MAP3K13: variants seen among roughly 807,000 people sequenced by gnomAD.
MAP3K13 encodes mitogen-activated protein kinase kinase kinase 13, also known as leucine zipper-bearing kinase.
A neutral mutation model predicts 104.0 loss-of-function variants in MAP3K13; 52 were observed. That is an observed-to-expected ratio of 0.50 (90% confidence interval 0.40 to 0.63). The LOEUF (loss-of-function observed/expected upper bound fraction) is 0.63. Ranked by LOEUF, MAP3K13 falls within the 20% of genes least tolerant of loss-of-function variation. MAP3K13 has a pLI of 0.00. For synonymous variants in MAP3K13, 394 were observed against 442.2 expected, an observed-to-expected ratio of 0.89 and a Z score of 1.37; for missense variants, 914 against 1,218.5, an observed-to-expected ratio of 0.75 and a Z score of 3.72.
chr3:185,456,706 AT>A (rs1427781154), intron 7 of MAP3K13, among the ~76,000 whole-genome samples: 1 of 150,738 alleles, frequency 6.6e-6, no homozygotes, highest in Admixed American at 6.7e-5. Flanking sequence ...AGTTCAAGCA[AT>A]TCTCCTGTCT....
chr3:185,370,456 A>G (rs955747513), intron 1 of MAP3K13, among the ~76,000 whole-genome samples: 13 of 111,482 alleles, frequency 1.2e-4, no homozygotes, highest in African/African-American at 3.5e-4. Context: ...TTGGCCGCCC[A>G]AAGTGCTGGG....
chr3:185,307,859 C>G (rs1721352370), intron 2 of MAP3K13, among the ~76,000 whole-genome samples: 1 of 151,926 alleles, frequency 6.6e-6, no homozygotes, highest in South Asian at 2.1e-4. Flanking sequence ...TAGTTTTTAT[C>G]TCTTTGTTGG....
intron 12 of MAP3K13, 22 bp from the exon 13 acceptor site, chr3:185,480,210 T>C (rs1449642138): frequency 5.0e-6 from 8 of 1,605,132 alleles, no homozygotes; most frequent in Non-Finnish European, 5.1e-6. Flanking sequence ...GACTAAGTTC[T>C]CCTGGTTCTT....
intron 3 of MAP3K13, among the ~76,000 whole-genome samples, chr3:185,439,119 T>A (rs994415855): frequency 6.6e-6 from 1 of 152,004 alleles, no homozygotes; most frequent in Non-Finnish European, 1.5e-5. Flanking sequence ...AAATGAGTAC[T>A]GAAGTTGAGT....
At chr3:185,480,815 G>A (rs1253692394) in intron 13 of MAP3K13, among the ~76,000 whole-genome samples, 8 of 152,150 alleles carry the variant, frequency 5.3e-5, no homozygotes, top group Non-Finnish European at 1.2e-4. Context: ...GTCTTCACAT[G>A]GTGGTAGGAG....
In MAP3K13 at chr3:185,455,656, TGATATATATATGA is replaced by T. The variant is rs1560120194; in HGVS notation, c.1278+4262_1278+4274del. 1.2e-4 allele frequency among the ~76,000 whole-genome samples: 4 copies of T among 32,136 alleles called. 1 individual carries two copies. The highest frequency in any genetic ancestry group is 2.7e-4 in the African/African-American group (3 of 11,066). The allele number at this position is 32,136 out of a possible 152,430, so 21.1% of individuals were successfully genotyped here. A position where few individuals can be genotyped will look rare whatever the true frequency, so the allele number is the denominator to read the frequency against. On this transcript the variant is annotated intron_variant, in intron 7 of 13. Coordinates refer to ENST00000265026, the MANE Select transcript of MAP3K13 (RefSeq NM_004721.5). ...ATATGATATATATGAGATATATATA[TGATATATATATGA>T]TATATATATGAGATATATATATGAT...
At position 185,482,677 on chromosome 3, in the gene MAP3K13, T is replaced by C. The variant is rs555629728; in HGVS notation, c.*221T>C. ...AATTAAGTCTCACTGAACATTTCAA[T>C]CAAGAATGGCAGGGATCTATTTTAT... On this transcript the variant is annotated 3_prime_UTR_variant, in exon 14 of 14. Coordinates refer to ENST00000265026, the MANE Select transcript of MAP3K13 (RefSeq NM_004721.5). The surrounding 1 kb of genome is among the most constrained non-coding windows in gnomAD (Gnocchi z 4.5). 8.2e-6 allele frequency: 4 copies of C among 490,526 alleles called. No individual in the cohort carries two copies. The South Asian group carries it at 1.3e-4, about 16-fold the overall frequency. 30.4% of individuals were successfully genotyped at this position (490,526 alleles called of 1,614,324 possible). A position where few individuals can be genotyped will look rare whatever the true frequency, so the allele number is the denominator to read the frequency against.
Position 185,292,931 on chromosome 3 carries a change from T to G in MAP3K13, c.-86+7288T>G, listed in dbSNP as rs1015069430. On this transcript the variant is annotated intron_variant, in intron 2 of 14. Coordinates refer to the MAP3K13 transcript ENST00000424227. The stretch of plus-strand genomic sequence containing the variant: ...TTTTTTACTAAAATGTGACCCTCAT[T>G]TTTCTTTACATGAAAGAACATAGAA... 47 of 984,206 alleles carry G rather than the reference T, an allele frequency of 4.8e-5. No individual in the cohort carries two copies. In the African/African-American group the frequency reaches 8.2e-4, roughly 17 times the overall value. 61.0% of individuals were successfully genotyped at this position (984,206 alleles called of 1,614,324 possible).
At chr3:185,295,353 C>G (rs188342663) in intron 2 of MAP3K13, among the ~76,000 whole-genome samples, 1 of 152,076 alleles carries the variant, frequency 6.6e-6, no homozygotes, top group African/African-American at 2.4e-5. Flanking sequence ...TATAGGCGCC[C>G]GCCACTATGC....
rs377487419 is a variant in MAP3K13, at chr3:185,461,695, T to C, written c.1279-1855T>C. On this transcript the variant is annotated intron_variant, in intron 7 of 13. Coordinates refer to ENST00000265026, the MANE Select transcript of MAP3K13 (RefSeq NM_004721.5). ...CTCCTGCCTCAGCCTGCCGAATAGCTGGCATTGCAGGGGCAGGCCACCACA... is the reference window on the plus strand; with the variant it reads ...CTCCTGCCTCAGCCTGCCGAATAGCCGGCATTGCAGGGGCAGGCCACCACA... Among the ~76,000 whole-genome samples the C allele has an allele frequency of 6.8e-4, 103 of 152,246 alleles. 1 individual carries two copies. The South Asian group carries it at 0.021, about 31-fold the overall frequency.
At chr3:185,414,384 A>T (rs1713624782) in intron 1 of MAP3K13, among the ~76,000 whole-genome samples, 1 of 152,212 alleles carries the variant, frequency 6.6e-6, no homozygotes, top group Admixed American at 6.5e-5. Context: ...AGACGGTGGG[A>T]AAAGAAAAAG....
At position 185,487,551 on chromosome 3, in the gene MAP3K13, C is replaced by T. The variant is rs528738065; in HGVS notation, c.*5095C>T. ...GCATCCTTTTTGATCAAATGATTTACTCTTTTTTTCTTCAATGTCCTCATG... is the reference window on the plus strand; with the variant it reads ...GCATCCTTTTTGATCAAATGATTTATTCTTTTTTTCTTCAATGTCCTCATG... On this transcript the variant is annotated 3_prime_UTR_variant, in exon 14 of 14. Coordinates refer to ENST00000265026, the MANE Select transcript of MAP3K13 (RefSeq NM_004721.5). 3 of 152,218 alleles carry T rather than the reference C, an allele frequency of 2.0e-5. No homozygotes were observed. In the South Asian group the frequency reaches 6.2e-4, roughly 32 times the overall value. The allele number at this position is 152,218 out of a possible 1,614,324, so 9.4% of individuals were successfully genotyped here.
chr3:185,402,813 C>G (rs1353641344), intron 1 of MAP3K13, among the ~76,000 whole-genome samples: 1 of 152,162 alleles, frequency 6.6e-6, no homozygotes, highest in Non-Finnish European at 1.5e-5. Context: ...AGATTTGTCT[C>G]TCCAGCTGGG....
At chr3:185,480,156 C>A in intron 12 of MAP3K13, 76 bp from the exon 13 acceptor site, 1 of 1,401,666 alleles carries the variant, frequency 7.1e-7, no homozygotes, top group Middle Eastern at 1.8e-4. Context: ...ATCTCTACCA[C>A]TACTATGAGT....
intron 2 of MAP3K13, among the ~76,000 whole-genome samples, chr3:185,308,302 C>T (rs961708203): frequency 1.3e-5 from 2 of 151,964 alleles, no homozygotes; most frequent in East Asian, 3.9e-4. Flanking sequence ...GCACTTGCTC[C>T]CTCTGGTGTC....
chr3:185,411,303 C>T (rs550469022), intron 1 of MAP3K13, among the ~76,000 whole-genome samples: 1 of 152,132 alleles, frequency 6.6e-6, no homozygotes, highest in African/African-American at 2.4e-5. Context: ...ATGTACGTCA[C>T]AAAACCCATG....
At chr3:185,285,790 A>G (rs1720486315) in intron 2 of MAP3K13, 3 of 571,844 alleles carry the variant, frequency 5.2e-6, no homozygotes, top group African/African-American at 3.7e-5. Context: ...TTTGTTTTGT[A>G]TATATGAAGC....
intron 1 of MAP3K13, among the ~76,000 whole-genome samples, chr3:185,421,601 GC>G (rs1473122835): frequency 6.6e-6 from 1 of 151,916 alleles, no homozygotes; most frequent in East Asian, 1.9e-4. Flanking sequence ...CAAAAATCTT[GC>G]CCCACTTCCT....
intron 1 of MAP3K13, chr3:185,417,540 A>G: frequency 6.2e-7 from 1 of 1,611,040 alleles, no homozygotes; most frequent in Non-Finnish European, 8.5e-7. Flanking sequence ...TCTTTTCTGC[A>G]GGCTTCTTTT....
Sources: gnomAD v4.1 joint callset for allele counts (sites outside exome capture counted in the v4.1 genomes callset) on GRCh38, gnomAD v4.1.1 for gene constraint, Gnocchi (gnomAD v3.1) non-coding constraint, MANE v1.5 for transcripts, NCBI Gene and HGNC (gene_info 2026-07-23, HGNC 2026-07-21) for gene names.